Variants in AVIL observed in about 807,000 individuals in gnomAD.
AVIL encodes advillin.
Under a neutral mutation model 109.9 loss-of-function variants are expected in AVIL, and 78 were observed. That is an observed-to-expected ratio of 0.71 (90% CI 0.59 to 0.86). The LOEUF is 0.86. Among genes scored for constraint, AVIL ranks in the 40% least tolerant of loss-of-function variants. The pLI is 0.00. For missense variants in AVIL, 892 were observed against 1,016.5 expected (o/e 0.88, Z 1.67); for synonymous variants, 367 against 379.1 (o/e 0.97, Z 0.37).
intron 4 of AVIL, among the ~76,000 whole-genome samples, chr12:57,811,589 G>A (rs1375413439): frequency 3.3e-5 from 5 of 152,150 alleles, no homozygotes; most frequent in Non-Finnish European, 5.9e-5. Context: ...CCTGCACTCA[G>A]CCCAGCCCAG....
At chr12:57,801,096 T>G in intron 18 of AVIL, 48 bp downstream of exon 18, 1 of 1,516,376 alleles carries the variant, frequency 6.6e-7, no homozygotes, top group Non-Finnish European at 9.1e-7. Flanking sequence ...GTTCTCTGGC[T>G]CTGGTTGCCC....
At chr12:57,801,830 A>G (rs1955854572) in intron 17 of AVIL, among the ~76,000 whole-genome samples, 1 of 152,224 alleles carries the variant, frequency 6.6e-6, no homozygotes, top group South Asian at 2.1e-4. Flanking sequence ...TTATCCTCTT[A>G]GCTTCCTTAT....
chr12:57,798,412 G>C (rs570702636), intron 19 of AVIL, among the ~76,000 whole-genome samples: 5 of 152,096 alleles, frequency 3.3e-5, no homozygotes, highest in African/African-American at 7.2e-5. Context: ...GGATCTTATT[G>C]AGCATAAAAT....
intron 3 of AVIL, 22 bp downstream of exon 3, chr12:57,814,130 G>A: frequency 6.2e-7 from 1 of 1,611,562 alleles, no homozygotes. Flanking sequence ...AGGCTCACAG[G>A]AGTGGGGAGG....
At position 57,818,031 on chromosome 12, in the gene AVIL, G is replaced by C. The variant is rs149113895; in HGVS notation, c.-20+598C>G. ...GAGGAAGCTGTTTTTTGTTGTTGTT[G>C]TTTTTGAGACAGGGTCTTGCTCTGT... On this transcript the variant is annotated intron_variant, in intron 1 of 19. Coordinates refer to ENST00000549994, the MANE Select transcript of AVIL (RefSeq NM_006576.4). Among the ~76,000 whole-genome samples, 711 of 151,944 alleles carry C rather than the reference G, an allele frequency of 4.7e-3. 2 individuals carry two copies. The highest frequency in any genetic ancestry group is 0.017 in the African/African-American group (685 of 41,462).
chr12:57,814,870 CTT>C (rs1956081357), intron 2 of AVIL: 1 of 152,488 alleles, frequency 6.6e-6, no homozygotes, highest in Non-Finnish European at 1.5e-5. Flanking sequence ...TGCGGCCATA[CTT>C]GTGTGTGTTC....
Position 57,799,840 on chromosome 12 carries a change from G to GTT in AVIL, c.2299_2300dup (p.Asn767LysfsTer11). On this transcript the variant is annotated frameshift_variant, in exon 19 of 20. Coordinates refer to ENST00000549994, the MANE Select transcript of AVIL (RefSeq NM_006576.4). LOFTEE classifies it high-confidence loss of function. ...CATCCTCAGGCAGCTCCTGATTCTG[G>GTT]TTTTTCAACAGAACTGCTATAGGGT... The GTT allele has an allele frequency of 1.2e-6, 2 of 1,614,138 alleles. No individual in the cohort carries two copies. The highest frequency in any genetic ancestry group is 1.7e-6 in the Non-Finnish European group (2 of 1,180,010).
At chr12:57,800,559 T>C (rs1052380122) in intron 18 of AVIL, 1 of 152,908 alleles carries the variant, frequency 6.5e-6, no homozygotes, top group Non-Finnish European at 1.5e-5. Context: ...CCAATGACTT[T>C]AATCTCTCCT....
intron 14 of AVIL, chr12:57,804,202 C>G (rs1332250487): frequency 6.5e-6 from 1 of 152,830 alleles, no homozygotes; most frequent in East Asian, 1.9e-4. Flanking sequence ...TTTGCCTTTT[C>G]CAGAATGCTG....
chr12:57,812,953 A>G (rs1235182909), intron 4 of AVIL, among the ~76,000 whole-genome samples: 1 of 152,186 alleles, frequency 6.6e-6, no homozygotes, highest in African/African-American at 2.4e-5. Flanking sequence ...TTACACATGC[A>G]GAAGTGGGAT....
chr12:57,801,118 T>C, intron 18 of AVIL, 26 bp downstream of exon 18: 1 of 1,608,692 alleles, frequency 6.2e-7, no homozygotes, highest in South Asian at 1.1e-5. Flanking sequence ...TGTGGCTGGC[T>C]TCTCCCAAGA....
chr12:57,813,939 G>A (rs546572071), intron 3 of AVIL, among the ~76,000 whole-genome samples: 5 of 152,266 alleles, frequency 3.3e-5, no homozygotes, highest in African/African-American at 1.2e-4. Context: ...TCAGACTGAG[G>A]GTCCTACCCC....
At chr12:57,805,201 G>A (rs891447391) in intron 14 of AVIL, among the ~76,000 whole-genome samples, 4 of 151,698 alleles carry the variant, frequency 2.6e-5, no homozygotes, top group Admixed American at 1.3e-4. Flanking sequence ...GACTACAGGC[G>A]TGCACCACCA....
In AVIL at chr12:57,813,286, G is replaced by A. The variant is rs199991503; in HGVS notation, c.279C>T (p.His93=). 4.3e-6 allele frequency: 7 copies of A among 1,613,938 alleles called. No individual in the cohort carries two copies. In the Middle Eastern group the frequency reaches 4.9e-4, roughly 114 times the overall value. ...DDYLGGSPVQ[H]REVQYHESDT... ...CTGACTCATGGTACTGGACCTCTCG[G>A]TGCTGCACAGGGCTGCCTCCCAGGT... Residue 93 remains histidine (H), a synonymous_variant, in exon 4 of 20, where the codon CAC becomes CAT. Transcript: ENST00000549994.
chr12:57,807,773 G>A (rs1251035946), intron 11 of AVIL, 46 bp from the exon 12 acceptor site: 4 of 1,612,704 alleles, frequency 2.5e-6, no homozygotes, highest in South Asian at 1.1e-5. Context: ...GGGGTGCTGA[G>A]AGGGGCTAGG....
chr12:57,813,436 C>T lies in AVIL; in HGVS notation c.142-13G>A. The T allele has an allele frequency of 6.2e-7, 1 of 1,611,128 alleles. No homozygotes were observed. Among genetic ancestry groups the T allele is most frequent in the Non-Finnish European group, 8.5e-7 (1 of 1,178,698 alleles). On this transcript the variant is annotated splice_polypyrimidine_tract_variant and intron_variant, in intron 3 of 19. Transcript: ENST00000549994. ...CCACTCTCCGGGTCTGGGAGGTAGT[C>T]AGAGAGATCAGGTCAGAGGCCAGCT...
intron 19 of AVIL, among the ~76,000 whole-genome samples, chr12:57,799,479 G>T (rs1403480714): frequency 2.0e-5 from 3 of 152,200 alleles, no homozygotes; most frequent in Non-Finnish European, 4.4e-5. Flanking sequence ...GATCTCTTTG[G>T]CTGTTGTGTG....
intron 11 of AVIL, 70 bp from the exon 12 acceptor site, chr12:57,807,797 A>G (rs1222762740): frequency 6.3e-7 from 1 of 1,599,176 alleles, no homozygotes; most frequent in Admixed American, 1.7e-5. Flanking sequence ...CACTAAAGAG[A>G]GAATCCAGGT....
rs773985981 is a variant in AVIL at position 57,806,340 on chromosome 12, C to T, written c.1671+20G>A. ...CTGGGCTCCGAGGGGCTGGTCTGACCCGGGGCCCAGCCATCCTACCTTGCC... is the reference window on the plus strand; with the variant it reads ...CTGGGCTCCGAGGGGCTGGTCTGACTCGGGGCCCAGCCATCCTACCTTGCC... On this transcript the variant is annotated intron_variant, in intron 14 of 19. Transcript: ENST00000549994. 3.1e-6 allele frequency: 5 copies of T among 1,613,550 alleles called. No individual in the cohort carries two copies. Among genetic ancestry groups the T allele is most frequent in the Non-Finnish European group, 4.2e-6 (5 of 1,179,778 alleles).
Sources: gnomAD v4.1 joint callset for allele counts (sites outside exome capture counted in the v4.1 genomes callset) on GRCh38, gnomAD v4.1.1 for gene constraint, MANE v1.5 for transcripts, NCBI Gene and HGNC (gene_info 2026-07-23, HGNC 2026-07-21) for gene names.